The following GPR158 variants were observed in gnomAD, a reference collection of about 807,000 sequenced individuals.
GPR158 encodes the protein metabotropic glycine receptor.
A neutral mutation model predicts 78.2 loss-of-function variants in GPR158; 30 were observed. The ratio of observed to expected loss-of-function variants is 0.38; its 90% CI spans 0.29 to 0.52. The LOEUF is 0.52. Ranked by LOEUF, GPR158 falls within the 20% of genes least tolerant of loss-of-function variation. The pLI is 0.83. For synonymous variants in GPR158, 581 were observed against 591.1 expected (o/e 0.98, Z 0.25); for missense variants, 1,463 against 1,523.5 (o/e 0.96, Z 0.66).
At position 25,528,196 on chromosome 10, in the gene GPR158, C is replaced by G. The variant is rs149221709; in HGVS notation, c.1405-22780C>G. Among the ~76,000 whole-genome samples, 322 of 151,994 alleles carry G rather than the reference C, an allele frequency of 2.1e-3. 3 individuals carry two copies. The highest frequency in any genetic ancestry group is 7.5e-3 in the African/African-American group (310 of 41,500). On this transcript the variant is annotated intron_variant, in intron 5 of 10. Transcript: ENST00000376351. The stretch of plus-strand genomic sequence containing the variant: ...TTGTTCCAATATCCTGATATCAGCT[C>G]ATACTACCATACTGACCCTAAAACC...
At chr10:25,446,683 A>G (rs1489184243) in intron 4 of GPR158, among the ~76,000 whole-genome samples, 1 of 152,222 alleles carries the variant, frequency 6.6e-6, no homozygotes, top group Non-Finnish European at 1.5e-5. Context: ...TTCATGCTCA[A>G]ATCAAGTTCT....
At chr10:25,362,714 A>G (rs933426835) in intron 2 of GPR158, among the ~76,000 whole-genome samples, 8 of 151,858 alleles carry the variant, frequency 5.3e-5, no homozygotes, top group African/African-American at 1.9e-4. Flanking sequence ...ATGCTAGTAT[A>G]TAGAATTTTC....
At chr10:25,313,942 G>A (rs1052488738) in intron 2 of GPR158, among the ~76,000 whole-genome samples, 4 of 152,106 alleles carry the variant, frequency 2.6e-5, no homozygotes, top group East Asian at 1.9e-4. Flanking sequence ...GTAATTATCC[G>A]ATGAAACCAT....
At chr10:25,267,546 A>G (rs1305447395) in intron 2 of GPR158, among the ~76,000 whole-genome samples, 1 of 152,188 alleles carries the variant, frequency 6.6e-6, no homozygotes, top group African/African-American at 2.4e-5. Context: ...ACAGGGTTTA[A>G]ACATTTTTGA....
intron 5 of GPR158, among the ~76,000 whole-genome samples, chr10:25,535,078 C>T (rs1007818253): frequency 6.6e-6 from 1 of 152,188 alleles, no homozygotes; most frequent in Non-Finnish European, 1.5e-5. Flanking sequence ...CTGGGGATCT[C>T]ATAGCTTTGT....
intron 5 of GPR158, among the ~76,000 whole-genome samples, chr10:25,491,676 A>C (rs1338487255): frequency 6.6e-6 from 1 of 152,194 alleles, no homozygotes; most frequent in Non-Finnish European, 1.5e-5. Flanking sequence ...AAAAATTAGG[A>C]ATTGAAATTA....
chr10:25,589,262 A>G, intron 8 of GPR158, 117 bp downstream of exon 8: 1 of 619,730 alleles, frequency 1.6e-6, no homozygotes, highest in South Asian at 4.1e-5. Context: ...AGCATTTTAT[A>G]AGTGGACTAA....
chr10:25,233,875 T>C (rs1359590861), intron 2 of GPR158, among the ~76,000 whole-genome samples: 1 of 152,224 alleles, frequency 6.6e-6, no homozygotes, highest in Non-Finnish European at 1.5e-5. Context: ...TTAAAGAGAT[T>C]TGCAGAAATG....
At position 25,199,131 on chromosome 10, in the gene GPR158, T is replaced by G. The variant is rs193018027; in HGVS notation, c.903-21921T>G. On this transcript the variant is annotated intron_variant, in intron 1 of 10. Transcript: ENST00000376351. ...ACTTTGGGCTCAAATAAAGTTTTTG[T>G]TTTTTTTTTGCTTTTATTATAGGTT... Among the ~76,000 whole-genome samples, 572 of 147,202 alleles carry G rather than the reference T, an allele frequency of 3.9e-3. 2 individuals carry two copies. Among genetic ancestry groups the G allele is most frequent in the Admixed American group, 6.9e-3 (101 of 14,612 alleles).
At chr10:25,517,162 G>C (rs1165632023) in intron 5 of GPR158, among the ~76,000 whole-genome samples, 1 of 145,530 alleles carries the variant, frequency 6.9e-6, no homozygotes, top group Non-Finnish European at 1.5e-5. Flanking sequence ...TCATGATTTG[G>C]CTCTCTGTTT....
At chr10:25,265,963 C>T (rs748093987) in intron 2 of GPR158, among the ~76,000 whole-genome samples, 1 of 152,198 alleles carries the variant, frequency 6.6e-6, no homozygotes, top group Non-Finnish European at 1.5e-5. Flanking sequence ...CGACTGGGTT[C>T]AGATCCACAT....
At chr10:25,530,556 T>C (rs149961126) in intron 5 of GPR158, among the ~76,000 whole-genome samples, 11 of 152,288 alleles carry the variant, frequency 7.2e-5, no homozygotes, top group Non-Finnish European at 1.6e-4. Flanking sequence ...GAGTGCTCTG[T>C]TGCTAGTGAG....
intron 2 of GPR158, among the ~76,000 whole-genome samples, chr10:25,338,588 TTATATA>T (rs1335812403): frequency 6.8e-6 from 1 of 146,536 alleles, no homozygotes; most frequent in African/African-American, 2.5e-5. Flanking sequence ...ATAATACATA[TTATATA>T]TATTATTATA....
intron 5 of GPR158, among the ~76,000 whole-genome samples, chr10:25,525,924 T>A (rs1307147231): frequency 6.6e-6 from 1 of 151,754 alleles, no homozygotes; most frequent in Admixed American, 6.6e-5. Context: ...CTGGCCAACA[T>A]GATGAAACCC....
intron 4 of GPR158, among the ~76,000 whole-genome samples, chr10:25,421,843 A>G (rs549916488): frequency 1.2e-4 from 19 of 152,162 alleles, no homozygotes; most frequent in African/African-American, 3.6e-4. Flanking sequence ...CTTGCCATCA[A>G]TTTTCAATAA....
chr10:25,202,134 TTATACTTTTTACTTC>T (rs1852938025), intron 1 of GPR158, among the ~76,000 whole-genome samples: 2 of 152,170 alleles, frequency 1.3e-5, no homozygotes, highest in South Asian at 4.1e-4. Flanking sequence ...GGTAGGCTTT[TTATACTTTTTACTTC>T]TATACTTTTT....
At position 25,597,827 on chromosome 10, in the gene GPR158, T is replaced by A. The variant is rs1837429019; in HGVS notation, c.2201T>A (p.Ile734Asn). The part of the protein sequence containing the change: ...QLEIYKRKKM[I>N]TNNPHLQKKR... The stretch of plus-strand genomic sequence containing the variant: ...GAAATATATAAAAGAAAGAAGATGA[T>A]CACAAACAACCCCCACCTCCAGAAA... The change falls in exon 11 of 11, where the codon ATC becomes AAC. Residue 734 changes from isoleucine (I) to asparagine (N), a missense_variant. Physicochemically the swap from Ile to Asn is moderately radical, Grantham distance 149. Transcript: ENST00000376351. 6.6e-7 allele frequency: 1 copy of A among 1,525,408 alleles called. No homozygotes were observed. 94.5% of individuals were successfully genotyped at this position (1,525,408 alleles called of 1,614,324 possible).
At chr10:25,425,311 G>T (rs1264355172) in intron 4 of GPR158, among the ~76,000 whole-genome samples, 1 of 152,036 alleles carries the variant, frequency 6.6e-6, no homozygotes, top group Non-Finnish European at 1.5e-5. Context: ...TAGTGTAAAA[G>T]TGTTCTCTTT....
chr10:25,565,933 A>AT (rs1836923657), intron 6 of GPR158, among the ~76,000 whole-genome samples: 1 of 152,136 alleles, frequency 6.6e-6, no homozygotes, highest in South Asian at 2.1e-4. Context: ...AGATTATACA[A>AT]TTGCCTTTTA....
Sources: gnomAD v4.1 joint callset for allele counts (sites outside exome capture counted in the v4.1 genomes callset) on GRCh38, gnomAD v4.1.1 for gene constraint, MANE v1.5 for transcripts, NCBI Gene and HGNC (gene_info 2026-07-23, HGNC 2026-07-21) for gene names.